BLTP2: variants seen among roughly 807,000 people sequenced by gnomAD.
The protein encoded by BLTP2 is U937-associated antigen.
chr17:28,633,520 T>C, the BLTP2 span: 1 of 1,608,550 alleles, frequency 6.2e-7, no homozygotes, highest in Non-Finnish European at 8.5e-7. Context: ...ACCATCCTGA[T>C]AGGATAAAAG....
the BLTP2 span, chr17:28,642,477 T>A: frequency 1.5e-6 from 1 of 676,718 alleles, no homozygotes; most frequent in Non-Finnish European, 2.6e-6. Context: ...CGGTGAAACC[T>A]CATCTCTACT....
the BLTP2 span, chr17:28,632,841 T>A: frequency 1.2e-6 from 1 of 847,008 alleles, no homozygotes; most frequent in Non-Finnish European, 1.7e-6. Flanking sequence ...CTTGCCCTTC[T>A]CCCCTCCCCT....
the BLTP2 span, chr17:28,641,742 C>T: frequency 2.9e-6 from 2 of 701,204 alleles, no homozygotes; most frequent in Non-Finnish European, 4.7e-6. Flanking sequence ...CAAGCAAATG[C>T]CCTATTTCCT....
At chr17:28,622,842 C>T in the BLTP2 span, among the ~76,000 whole-genome samples, 5 of 152,106 alleles carry the variant, frequency 3.3e-5, no homozygotes, top group African/African-American at 4.8e-5. Flanking sequence ...TTTGGGAGGC[C>T]GAGGCGGGCG....
At chr17:28,630,099 A>C in the BLTP2 span, among the ~76,000 whole-genome samples, 1 of 152,190 alleles carries the variant, frequency 6.6e-6, no homozygotes, top group Non-Finnish European at 1.5e-5. Context: ...CTTGAGCTCA[A>C]GGGATCCACC....
the BLTP2 span, chr17:28,645,054 C>A: frequency 1.3e-6 from 2 of 1,598,154 alleles, no homozygotes; most frequent in Non-Finnish European, 8.5e-7. Flanking sequence ...AGAACAGAGG[C>A]ATTTAGGTCC....
the BLTP2 span, chr17:28,617,407 G>A: frequency 2.1e-6 from 2 of 934,558 alleles, no homozygotes; most frequent in East Asian, 2.5e-5. Flanking sequence ...TTGTTTTCAG[G>A]CTCTACATAT....
chr17:28,631,856 C>G, the BLTP2 span: 1 of 1,614,178 alleles, frequency 6.2e-7, no homozygotes, highest in Non-Finnish European at 8.5e-7. Flanking sequence ...CGAGTGAAGA[C>G]ATGGCCCTGA....
chr17:28,619,541 C>T, the BLTP2 span: 1 of 1,284,900 alleles, frequency 7.8e-7, no homozygotes, highest in Non-Finnish European at 1.1e-6. Context: ...CCTACTCCTA[C>T]ATCAGCCTTT....
chr17:28,615,103 C>T, the BLTP2 span: 1 of 1,613,922 alleles, frequency 6.2e-7, no homozygotes, highest in Non-Finnish European at 8.5e-7. Context: ...TGCCAGGGTT[C>T]TTGTCGCCCA....
the BLTP2 span, chr17:28,632,300 C>A: frequency 6.9e-7 from 1 of 1,445,336 alleles, no homozygotes; most frequent in African/African-American, 1.4e-5. Context: ...AAAGCTAAAT[C>A]CTTCCCTTGC....
At chr17:28,635,904 G>C in the BLTP2 span, 1 of 300,868 alleles carries the variant, frequency 3.3e-6, no homozygotes, top group South Asian at 5.3e-5. Context: ...ATCTACCATA[G>C]TATACTCAGT....
At chr17:28,629,047 ATTCT>A in the BLTP2 span, among the ~76,000 whole-genome samples, 1 of 151,824 alleles carries the variant, frequency 6.6e-6, no homozygotes, top group Non-Finnish European at 1.5e-5. Flanking sequence ...ACTGTATTTT[ATTCT>A]TTATCAAAAA....
chr17:28,638,249 T>G, the BLTP2 span: 2 of 1,611,134 alleles, frequency 1.2e-6, no homozygotes, highest in Non-Finnish European at 1.7e-6. Context: ...AGCCCTCACC[T>G]ACCTGTAGTG....
the BLTP2 span, chr17:28,616,580 A>C: frequency 6.2e-7 from 1 of 1,613,936 alleles, no homozygotes; most frequent in African/African-American, 1.3e-5. The surrounding 1 kb of genome is among the most constrained non-coding windows in gnomAD (Gnocchi z 4.8). Context: ...TGGGGTTGCT[A>C]CCCTATTCTT....
chr17:28,639,233 T>G, the BLTP2 span: 1 of 1,429,760 alleles, frequency 7.0e-7, no homozygotes, highest in Non-Finnish European at 9.8e-7. Flanking sequence ...AAATACATAT[T>G]TAACACAGGA....
At chr17:28,642,028 C>G in the BLTP2 span, 1 of 1,614,198 alleles carries the variant, frequency 6.2e-7, no homozygotes, top group East Asian at 2.2e-5. Context: ...TAATGCCCAC[C>G]TTTAGACACA....
chr17:28,631,727 A>G, the BLTP2 span: 5 of 1,607,320 alleles, frequency 3.1e-6, no homozygotes, highest in Non-Finnish European at 4.3e-6. Flanking sequence ...AGTTCAGAGG[A>G]TAGTGTAAGA....
chr17:28,621,208 C>A, the BLTP2 span: 1 of 1,591,238 alleles, frequency 6.3e-7, no homozygotes, highest in Non-Finnish European at 8.6e-7. Context: ...AAAAGACATT[C>A]TCAATAAAGA....
Sources: gnomAD v4.1 joint callset for allele counts (sites outside exome capture counted in the v4.1 genomes callset) on GRCh38, gnomAD v4.1.1 for gene constraint, Gnocchi (gnomAD v3.1) non-coding constraint, MANE v1.5 for transcripts, NCBI Gene and HGNC (gene_info 2026-07-23, HGNC 2026-07-21) for gene names.